ABCD3: variants seen among roughly 807,000 people sequenced by gnomAD.
The protein encoded by ABCD3 is ATP binding cassette subfamily D member 3.
In ABCD3, 41 loss-of-function variants were observed where a neutral mutation model predicts 105.5. The ratio of observed to expected loss-of-function variants is 0.39; its 90% CI spans 0.30 to 0.50. The LOEUF is 0.50. Among genes scored for constraint, ABCD3 ranks in the 20% least tolerant of loss-of-function variants. The probability of loss-of-function intolerance (pLI) is 0.84; values close to 1 mark genes in which losing one functional copy is unlikely to be tolerated. For synonymous variants in ABCD3, 258 were observed against 269.0 expected (o/e 0.96, Z 0.40); for missense variants, 622 against 806.3 (o/e 0.77, Z 2.77).
chr1:94,443,434 T>G (rs1253665734), intron 1 of ABCD3, among the ~76,000 whole-genome samples: 1 of 152,232 alleles, frequency 6.6e-6, no homozygotes, highest in African/African-American at 2.4e-5. Flanking sequence ...CATAGACTGT[T>G]CCTTTGTTGT....
rs766049340 is a variant in ABCD3, at chr1:94,491,202, A to G, written c.1341A>G (p.Leu447=). ...DNIIKFDHVP[L]ATPNGDVLIR... Reference sequence around the variant, plus strand: ...TCTATAGGTTTGATCATGTTCCTTTAGCAACGCCAAATGGAGATGTTTTGA... The same window carrying G: ...TCTATAGGTTTGATCATGTTCCTTTGGCAACGCCAAATGGAGATGTTTTGA... Residue 447 remains leucine, a synonymous_variant, in exon 16 of 23, where the codon TTA becomes TTG. Transcript: ENST00000370214. 1 of 1,612,236 alleles carries G rather than the reference A, an allele frequency of 6.2e-7. No individual in the cohort carries two copies. The highest frequency in any genetic ancestry group is 8.5e-7 in the Non-Finnish European group (1 of 1,178,698).
At chr1:94,445,054 TG>T (rs1660296294) in intron 1 of ABCD3, among the ~76,000 whole-genome samples, 1 of 152,212 alleles carries the variant, frequency 6.6e-6, no homozygotes, top group Non-Finnish European at 1.5e-5. Context: ...CCCATCCCCT[TG>T]TTTTGGCCCA....
chr1:94,453,345 G>T (rs1647357210), intron 1 of ABCD3, among the ~76,000 whole-genome samples: 1 of 149,354 alleles, frequency 6.7e-6, no homozygotes, highest in Non-Finnish European at 1.5e-5. Context: ...TTTTGAGATG[G>T]AGTCTCGCTG....
At chr1:94,510,667 G>T (rs1351373776) in intron 21 of ABCD3, among the ~76,000 whole-genome samples, 4 of 152,024 alleles carry the variant, frequency 2.6e-5, no homozygotes, top group African/African-American at 7.2e-5. Context: ...TATGAATCTG[G>T]GTGCTCCTGT....
intron 22 of ABCD3, among the ~76,000 whole-genome samples, chr1:94,515,474 A>G (rs1158941760): frequency 1.3e-5 from 2 of 152,006 alleles, no homozygotes; most frequent in Non-Finnish European, 2.9e-5. Context: ...TATCACAAAT[A>G]TGGTGAAGTA....
intron 17 of ABCD3, 27 bp from the exon 18 acceptor site, chr1:94,498,756 T>TA: frequency 3.7e-6 from 6 of 1,613,544 alleles, no homozygotes; most frequent in Non-Finnish European, 5.1e-6. Flanking sequence ...TTTACAATTG[T>TA]TCTTCTCCCT....
intron 10 of ABCD3, among the ~76,000 whole-genome samples, chr1:94,484,721 C>G (rs760625137): frequency 6.6e-6 from 1 of 152,126 alleles, no homozygotes; most frequent in East Asian, 1.9e-4. Flanking sequence ...ACCAACATGG[C>G]AAATGCATGC....
At chr1:94,431,585 A>G (rs1659684611) in intron 1 of ABCD3, among the ~76,000 whole-genome samples, 1 of 152,116 alleles carries the variant, frequency 6.6e-6, no homozygotes, top group African/African-American at 2.4e-5. Flanking sequence ...GCTTTTTGAG[A>G]CAGACTCACT....
chr1:94,516,093 A>C (rs757796148), intron 22 of ABCD3, among the ~76,000 whole-genome samples: 1 of 151,980 alleles, frequency 6.6e-6, no homozygotes, highest in Non-Finnish European at 1.5e-5. Flanking sequence ...TTTACCTTCA[A>C]GAACTTTAGG....
the ABCD3 span, among the ~76,000 whole-genome samples, chr1:94,405,665 G>C: frequency 6.6e-6 from 1 of 152,128 alleles, no homozygotes; most frequent in East Asian, 1.9e-4. Context: ...AGTTTATCTT[G>C]CATTTCTTTA....
chr1:94,481,879 A>G (rs962823272), intron 9 of ABCD3: 1 of 152,210 alleles, frequency 6.6e-6, no homozygotes. Flanking sequence ...TGGGACCCTA[A>G]ATGGGGTTGA....
In ABCD3 at chr1:94,418,460, C is replaced by A; in HGVS notation, c.-19C>A. 6.3e-7 allele frequency: 1 copy of A among 1,584,280 alleles called. No individual in the cohort carries two copies. Among genetic ancestry groups the A allele is most frequent in the Non-Finnish European group, 8.5e-7 (1 of 1,170,402 alleles). ...CCGCCGCCGCGTCCCCTCGCCGGCT[C>A]GCTGGTACCGGCAGTGCCATGGCGG... On this transcript the variant is annotated 5_prime_UTR_variant, in exon 1 of 23. Transcript: ENST00000370214.
intron 3 of ABCD3, 30 bp from the exon 4 acceptor site, chr1:94,467,889 A>G: frequency 6.6e-7 from 1 of 1,515,094 alleles, no homozygotes; most frequent in Non-Finnish European, 9.2e-7. Flanking sequence ...AAATGCATGT[A>G]TTTAATTTAC....
chr1:94,414,561 C>T (rs1195325692), upstream of ABCD3, among the ~76,000 whole-genome samples: 1 of 152,096 alleles, frequency 6.6e-6, no homozygotes, highest in African/African-American at 2.4e-5. Context: ...CCTGAGGTCA[C>T]TACTCTTTCC....
rs756130721 is a variant in ABCD3 at position 94,464,759 on chromosome 1, C to CT, written c.148-8dup. ...TGTTATAGCTATCTTAAAAGGGCTT[C>CT]TTTTTTTTAATGCAGAAAGAGGGGA... On this transcript the variant is annotated splice_polypyrimidine_tract_variant and intron_variant, in intron 2 of 22. Coordinates refer to ENST00000370214, the MANE Select transcript of ABCD3 (RefSeq NM_002858.4). The CT allele has an allele frequency of 2.8e-4, 432 of 1,564,910 alleles. 2 individuals carry two copies. In the Middle Eastern group the frequency reaches 4.6e-3, roughly 17 times the overall value.
chr1:94,502,765 G>C (rs1296966958), intron 20 of ABCD3, among the ~76,000 whole-genome samples: 1 of 152,078 alleles, frequency 6.6e-6, no homozygotes, highest in African/African-American at 2.4e-5. Context: ...CTCCCAATGT[G>C]CTGGGATTTC....
At chr1:94,486,742 A>G (rs1030893545) in intron 10 of ABCD3, among the ~76,000 whole-genome samples, 3 of 152,244 alleles carry the variant, frequency 2.0e-5, no homozygotes, top group African/African-American at 7.2e-5. Context: ...TCCACATGAA[A>G]GTGAAGGAGT....
chr1:94,495,959 G>A (rs1453136096), intron 16 of ABCD3, among the ~76,000 whole-genome samples: 2 of 152,092 alleles, frequency 1.3e-5, no homozygotes, highest in African/African-American at 4.8e-5. Context: ...CTATCAAAAT[G>A]ATTCTTTATC....
intron 20 of ABCD3, among the ~76,000 whole-genome samples, chr1:94,501,737 T>C (rs941016522): frequency 2.0e-5 from 3 of 152,208 alleles, no homozygotes; most frequent in South Asian, 2.1e-4. Flanking sequence ...GTAATAACTT[T>C]TCTTATTTTG....
Sources: allele counts gnomAD v4.1 joint callset (sites outside exome capture counted in the v4.1 genomes callset), GRCh38; gene constraint gnomAD v4.1.1; transcripts MANE v1.5; gene names NCBI Gene and HGNC (gene_info 2026-07-23, HGNC 2026-07-21).